The following PRKCA variants were observed in gnomAD, a reference collection of about 807,000 sequenced individuals.
PRKCA encodes the protein protein kinase C alpha.
Under a neutral mutation model 87.0 loss-of-function variants are expected in PRKCA, and 27 were observed. The observed-to-expected ratio is 0.31, with a 90% confidence interval of 0.23 to 0.43. The LOEUF is 0.43. PRKCA is among the 20% of genes least tolerant of loss of function. PRKCA has a pLI of 1.00. For missense variants in PRKCA, 518 were observed against 852.3 expected (o/e 0.61, Z 4.88); for synonymous variants, 329 against 311.1 (o/e 1.06, Z -0.61).
At chr17:66,546,618 A>G (rs534714168) in intron 3 of PRKCA, among the ~76,000 whole-genome samples, 1 of 152,244 alleles carries the variant, frequency 6.6e-6, no homozygotes, top group East Asian at 1.9e-4. Context: ...TTCTTTCCTT[A>G]TAAAAATAGC....
In PRKCA at chr17:66,805,160, T is replaced by C. The variant is rs1976000717; in HGVS notation, c.*1123T>C. Reference sequence around the variant, plus strand: ...AGAATATGGTTTTGGTTCCCATTTCTAGTTCACGTTGAATGACAGGCCTGG... The same window carrying C: ...AGAATATGGTTTTGGTTCCCATTTCCAGTTCACGTTGAATGACAGGCCTGG... On this transcript the variant is annotated 3_prime_UTR_variant, in exon 17 of 17. Transcript: ENST00000413366. The C allele has an allele frequency of 1.0e-6, 1 of 975,856 alleles. No individual in the cohort carries two copies. Among genetic ancestry groups the C allele is most frequent in the Non-Finnish European group, 1.2e-6 (1 of 821,258 alleles). 60.4% of individuals were successfully genotyped at this position (975,856 alleles called of 1,614,324 possible).
intron 8 of PRKCA, among the ~76,000 whole-genome samples, chr17:66,692,331 G>A (rs1193345466): frequency 2.6e-5 from 4 of 152,192 alleles, no homozygotes; most frequent in Non-Finnish European, 1.5e-5. Flanking sequence ...AAGAGACTGG[G>A]CAGAAAGCCA....
chr17:66,630,678 A>G (rs757125574), intron 3 of PRKCA, among the ~76,000 whole-genome samples: 2 of 152,316 alleles, frequency 1.3e-5, no homozygotes, highest in South Asian at 2.1e-4. Flanking sequence ...ACCTAGGCCA[A>G]TGAGATTTTG....
At chr17:66,686,964 C>A (rs565025425) in intron 5 of PRKCA, 147 bp from the exon 6 acceptor site, 1 of 688,268 alleles carries the variant, frequency 1.5e-6, no homozygotes, top group Admixed American at 2.6e-5. Flanking sequence ...TTTCTCATGT[C>A]GAGTGTTAGA....
chr17:66,445,032 T>C (rs1279165004), intron 2 of PRKCA, among the ~76,000 whole-genome samples: 1 of 152,158 alleles, frequency 6.6e-6, no homozygotes, highest in Non-Finnish European at 1.5e-5. Context: ...ATGGAGTTTG[T>C]AGCAACATGT....
chr17:66,530,932 A>T (rs1398421281), intron 3 of PRKCA, among the ~76,000 whole-genome samples: 1 of 151,940 alleles, frequency 6.6e-6, no homozygotes, highest in Non-Finnish European at 1.5e-5. Context: ...CTTCTCTTAT[A>T]CCCTGGGGGC....
chr17:66,380,106 G>A (rs1909695931), intron 2 of PRKCA, among the ~76,000 whole-genome samples: 1 of 151,988 alleles, frequency 6.6e-6, no homozygotes, highest in Non-Finnish European at 1.5e-5. Flanking sequence ...TGACTACTAA[G>A]ACGAGATCCA....
intron 2 of PRKCA, among the ~76,000 whole-genome samples, chr17:66,418,034 A>G (rs1255038632): frequency 1.3e-5 from 2 of 152,228 alleles, no homozygotes; most frequent in Non-Finnish European, 2.9e-5. Flanking sequence ...ATGGGCAGTG[A>G]GGATCACTCA....
Position 66,751,398 on chromosome 17 carries a change from G to A in PRKCA, c.1524+8638G>A, listed in dbSNP as rs565433544. ...CGCCAGCCTCAGAGCACAGGCTGGC[G>A]CCCTGATGCCATCCACGGCCAGTTG... On this transcript the variant is annotated intron_variant, in intron 13 of 16. Coordinates refer to ENST00000413366, the MANE Select transcript of PRKCA (RefSeq NM_002737.3). Among the ~76,000 whole-genome samples the A allele has an allele frequency of 2.8e-4, 43 of 152,272 alleles. 1 individual carries two copies. Among genetic ancestry groups the A allele is most frequent in the Non-Finnish European group, 4.3e-4 (29 of 68,012 alleles).
intron 3 of PRKCA, among the ~76,000 whole-genome samples, chr17:66,619,934 T>A (rs1970627287): frequency 6.6e-6 from 1 of 152,170 alleles, no homozygotes; most frequent in Non-Finnish European, 1.5e-5. Flanking sequence ...TTGGTAGTTG[T>A]TACTTTAAAA....
chr17:66,729,938 G>T (rs555593668), intron 8 of PRKCA, among the ~76,000 whole-genome samples: 2 of 151,980 alleles, frequency 1.3e-5, no homozygotes, highest in African/African-American at 4.8e-5. Context: ...TTATAGGCAT[G>T]TGCCACCATG....
chr17:66,534,402 A>T (rs7221053), intron 3 of PRKCA, among the ~76,000 whole-genome samples: 91,384 of 151,930 alleles, frequency 0.6, 28,747 homozygotes, highest in African/African-American at 0.79. Flanking sequence ...GTGTGGTAGC[A>T]CAAGCTTGTA....
chr17:66,799,970 G>C (rs1162777576), intron 16 of PRKCA, among the ~76,000 whole-genome samples: 1 of 152,088 alleles, frequency 6.6e-6, no homozygotes, highest in Non-Finnish European at 1.5e-5. Flanking sequence ...AGAATAAAAA[G>C]TTCTCCTGAG....
intron 14 of PRKCA, among the ~76,000 whole-genome samples, chr17:66,776,822 C>T (rs750439783): frequency 8.5e-5 from 13 of 152,192 alleles, no homozygotes; most frequent in Non-Finnish European, 1.8e-4. Context: ...TGTCTGCGTG[C>T]GCAGTGGCCT....
At chr17:66,565,505 A>G (rs952753049) in intron 3 of PRKCA, among the ~76,000 whole-genome samples, 3 of 152,218 alleles carry the variant, frequency 2.0e-5, no homozygotes, top group Admixed American at 2.0e-4. Context: ...TCGTAGCTCC[A>G]CAATTATAAC....
At chr17:66,587,745 GTGTGTATATGTATACATATATACGTATA>G in intron 3 of PRKCA, among the ~76,000 whole-genome samples, 2 of 106,020 alleles carry the variant, frequency 1.9e-5, no homozygotes, top group Middle Eastern at 4.8e-3. Flanking sequence ...ATACGTATAT[GTGTGTATATGTATACATATATACGTATA>G]TGTGTGTATA....
At chr17:66,516,475 A>G (rs1054608228) in intron 3 of PRKCA, among the ~76,000 whole-genome samples, 1 of 152,094 alleles carries the variant, frequency 6.6e-6, no homozygotes, top group African/African-American at 2.4e-5. Context: ...TCTACTAAAA[A>G]TACAAAAATT....
chr17:66,478,119 A>C (rs1017289081), intron 2 of PRKCA, among the ~76,000 whole-genome samples: 6 of 152,186 alleles, frequency 3.9e-5, no homozygotes, highest in African/African-American at 1.4e-4. Context: ...GAAATTGTAA[A>C]AGGTGTTGGT....
chr17:66,679,509 A>C (rs751460266), intron 5 of PRKCA, among the ~76,000 whole-genome samples: 23 of 152,232 alleles, frequency 1.5e-4, no homozygotes, highest in Non-Finnish European at 2.8e-4. Context: ...CAGGTGCAGC[A>C]CCTTTAAACC....
Sources: allele counts gnomAD v4.1 joint callset (sites outside exome capture counted in the v4.1 genomes callset), GRCh38; gene constraint gnomAD v4.1.1; transcripts MANE v1.5; gene names NCBI Gene and HGNC (gene_info 2026-07-23, HGNC 2026-07-21).